Variants in PLOD2 observed in about 807,000 individuals in gnomAD.
PLOD2 encodes the protein lysine hydroxylase 2.
Under a neutral mutation model 101.0 loss-of-function variants are expected in PLOD2, and 65 were observed. The ratio of observed to expected loss-of-function variants is 0.64; its 90% CI spans 0.53 to 0.79. The LOEUF is 0.79. PLOD2 is among the 30% of genes least tolerant of loss of function. The pLI, the probability that PLOD2 is intolerant of heterozygous loss-of-function variation, is 0.00. For synonymous variants in PLOD2, 314 were observed against 302.9 expected (o/e 1.04, Z -0.38); for missense variants, 909 against 914.6 (o/e 0.99, Z 0.08).
chr3:146,098,100 A>C (rs1461250085), intron 7 of PLOD2, among the ~76,000 whole-genome samples: 1 of 152,138 alleles, frequency 6.6e-6, no homozygotes, highest in African/African-American at 2.4e-5. Flanking sequence ...TACATAATGC[A>C]TGCAGAGTTA....
intron 14 of PLOD2, 60 bp downstream of exon 14, chr3:146,077,802 G>A (rs906008792): frequency 7.4e-6 from 7 of 943,122 alleles, no homozygotes; most frequent in South Asian, 1.5e-5. Flanking sequence ...TTACTACTAG[G>A]CAATATACTA....
At chr3:146,101,012 T>A in intron 7 of PLOD2, among the ~76,000 whole-genome samples, 1 of 152,108 alleles carries the variant, frequency 6.6e-6, no homozygotes, top group East Asian at 1.9e-4. Context: ...GCACAGGAGT[T>A]AGAACAGAGG....
intron 1 of PLOD2, among the ~76,000 whole-genome samples, chr3:146,149,210 T>A (rs996669015): frequency 3.9e-4 from 60 of 152,202 alleles, no homozygotes; most frequent in African/African-American, 1.4e-3. Context: ...TCCCATCACC[T>A]CTTCAAACTG....
chr3:146,123,933 C>G (rs1331827400), intron 2 of PLOD2, among the ~76,000 whole-genome samples: 1 of 151,992 alleles, frequency 6.6e-6, no homozygotes, highest in African/African-American at 2.4e-5. Context: ...AATCAGAATA[C>G]TTTGGCTATC....
intron 1 of PLOD2, among the ~76,000 whole-genome samples, chr3:146,156,994 C>T (rs2108151013): frequency 7.4e-6 from 1 of 134,920 alleles, no homozygotes; most frequent in African/African-American, 2.5e-5. Flanking sequence ...GCAGGTAAAG[C>T]GGGAAATACA....
At chr3:146,071,452 C>T in intron 17 of PLOD2, 29 bp from the exon 18 acceptor site, 1 of 1,604,264 alleles carries the variant, frequency 6.2e-7, no homozygotes, top group Non-Finnish European at 8.5e-7. Context: ...ACATAATAAG[C>T]TGTACTCCAC....
intron 3 of PLOD2, among the ~76,000 whole-genome samples, chr3:146,114,814 G>A (rs1376441986): frequency 1.3e-5 from 2 of 152,108 alleles, no homozygotes; most frequent in Non-Finnish European, 2.9e-5. Flanking sequence ...GAGTCACAGA[G>A]GATTCCCATA....
In PLOD2 at chr3:146,076,902, G is replaced by A. The variant is rs1485437894; in HGVS notation, c.1564-7C>T. The A allele has an allele frequency of 6.7e-7, 1 of 1,495,598 alleles. No individual in the cohort carries two copies. Among genetic ancestry groups the A allele is most frequent in the Non-Finnish European group, 9.3e-7 (1 of 1,074,174 alleles). The allele number at this position is 1,495,598 out of a possible 1,614,324, so 92.6% of individuals were successfully genotyped here. On this transcript the variant is annotated splice_region_variant and splice_polypyrimidine_tract_variant and intron_variant, in intron 14 of 19. Transcript: ENST00000282903. ...AAATGTACATAAATACACCCTATAT[G>A]CCAGAAAATAACAGTATTAATCTTA... is the stretch of plus-strand genomic sequence containing the variant.
intron 7 of PLOD2, among the ~76,000 whole-genome samples, chr3:146,094,711 A>G (rs374206422): frequency 8.7e-4 from 133 of 152,314 alleles, no homozygotes; most frequent in African/African-American, 3.0e-3. Flanking sequence ...ACAAAACTAG[A>G]AAAAACTACT....
intron 11 of PLOD2, among the ~76,000 whole-genome samples, chr3:146,083,853 T>C (rs1199710668): frequency 2.0e-5 from 3 of 152,010 alleles, no homozygotes; most frequent in Non-Finnish European, 2.9e-5. Flanking sequence ...AGTGCTGGGA[T>C]TACAGGCGTG....
chr3:146,074,940 A>G (rs957268390), intron 15 of PLOD2, among the ~76,000 whole-genome samples: 3 of 151,608 alleles, frequency 2.0e-5, no homozygotes, highest in Non-Finnish European at 4.4e-5. Context: ...CTCAGTTCTG[A>G]TATTTTCATT....
At chr3:146,074,087 C>A (rs909077092) in intron 15 of PLOD2, among the ~76,000 whole-genome samples, 1 of 151,326 alleles carries the variant, frequency 6.6e-6, no homozygotes, top group Non-Finnish European at 1.5e-5. Context: ...GAATTTGATT[C>A]TTTTTGACCA....
chr3:146,157,868 CT>C (rs2032375686), intron 1 of PLOD2, among the ~76,000 whole-genome samples: 1 of 152,194 alleles, frequency 6.6e-6, no homozygotes, highest in African/African-American at 2.4e-5. Context: ...CTCTTTTCCT[CT>C]CCACCCCATA....
At chr3:146,079,356 G>T in intron 12 of PLOD2, 99 bp from the exon 13 acceptor site, 2 of 842,290 alleles carry the variant, frequency 2.4e-6, no homozygotes, top group Non-Finnish European at 3.8e-6. Flanking sequence ...TTTAGATTTT[G>T]TATACATAAA....
chr3:146,102,262 T>C (rs1472269329), intron 7 of PLOD2, among the ~76,000 whole-genome samples: 1 of 152,214 alleles, frequency 6.6e-6, no homozygotes, highest in Non-Finnish European at 1.5e-5. Flanking sequence ...TTATACACAT[T>C]TGAAACAGAA....
chr3:146,123,311 G>T, intron 2 of PLOD2: 1 of 1,162,154 alleles, frequency 8.6e-7, no homozygotes, highest in Non-Finnish European at 1.1e-6. Flanking sequence ...AGACTTGGCT[G>T]ACAGATCCTT....
chr3:146,150,901 G>A (rs2032023137), intron 1 of PLOD2, among the ~76,000 whole-genome samples: 2 of 152,078 alleles, frequency 1.3e-5, no homozygotes, highest in African/African-American at 4.8e-5. Flanking sequence ...AAAAACACCA[G>A]ACTTGTTTTC....
At chr3:146,151,748 A>G (rs928290076) in intron 1 of PLOD2, among the ~76,000 whole-genome samples, 13 of 152,090 alleles carry the variant, frequency 8.5e-5, no homozygotes, top group African/African-American at 3.1e-4. Flanking sequence ...GAATTTCAAT[A>G]CAGAACAGGA....
intron 1 of PLOD2, among the ~76,000 whole-genome samples, chr3:146,143,678 A>T (rs181436806): frequency 6.6e-6 from 1 of 152,266 alleles, no homozygotes; most frequent in Non-Finnish European, 1.5e-5. Context: ...ACTGTACTAT[A>T]TAATACAGCC....
Sources: allele counts gnomAD v4.1 joint callset (sites outside exome capture counted in the v4.1 genomes callset), GRCh38; gene constraint gnomAD v4.1.1; transcripts MANE v1.5; gene names NCBI Gene and HGNC (gene_info 2026-07-23, HGNC 2026-07-21).